Variants in HIF1A observed in about 807,000 individuals in gnomAD.
HIF1A encodes the protein hypoxia-inducible factor 1-alpha.
Under a neutral mutation model 92.7 loss-of-function variants are expected in HIF1A, and 24 were observed. The observed-to-expected ratio is 0.26, with a 90% CI of 0.19 to 0.36. The LOEUF (loss-of-function observed/expected upper bound fraction) is 0.36, where lower values mean the gene tolerates loss of function less well. Among genes scored for constraint, HIF1A ranks in the 10% least tolerant of loss-of-function variants. HIF1A has a pLI of 1.00. For synonymous variants in HIF1A, 319 were observed against 338.7 expected (o/e 0.94, Z 0.64); for missense variants, 799 against 998.5 (o/e 0.80, Z 2.69).
At chr14:61,735,558 A>G (rs2044625242) in intron 8 of HIF1A, among the ~76,000 whole-genome samples, 1 of 152,228 alleles carries the variant, frequency 6.6e-6, no homozygotes, top group South Asian at 2.1e-4. Flanking sequence ...TTACATATCT[A>G]CTTTCACAAT....
At chr14:61,712,545 G>C (rs1320884122) in intron 1 of HIF1A, among the ~76,000 whole-genome samples, 3 of 149,300 alleles carry the variant, frequency 2.0e-5, no homozygotes, top group East Asian at 3.9e-4. Context: ...GAAACAGGGA[G>C]ACAAAAGAAT....
chr14:61,701,261 A>G (rs989096068), intron 1 of HIF1A, among the ~76,000 whole-genome samples: 2 of 152,172 alleles, frequency 1.3e-5, no homozygotes, highest in Non-Finnish European at 1.5e-5. Flanking sequence ...TTTTAACCAT[A>G]AAGATTATTT....
intron 1 of HIF1A, among the ~76,000 whole-genome samples, chr14:61,713,690 C>T (rs118138555): frequency 6.6e-6 from 1 of 152,264 alleles, no homozygotes; most frequent in East Asian, 1.9e-4. Context: ...TTATTAATAT[C>T]CTCTATTATA....
At chr14:61,728,019 CA>C (rs61241012) in intron 6 of HIF1A, among the ~76,000 whole-genome samples, 3,452 of 143,220 alleles carry the variant, frequency 0.024, 56 homozygotes, top group African/African-American at 0.04. Context: ...ACTCCCATTT[CA>C]AAAAAAAAAA....
rs1024520467 is a variant in HIF1A, at chr14:61,720,586, C to A, written c.226+14C>A. 1.9e-6 allele frequency: 3 copies of A among 1,559,206 alleles called. No homozygotes were observed. The highest frequency in any genetic ancestry group is 2.7e-5 in the African/African-American group (2 of 72,744). On this transcript the variant is annotated intron_variant, in intron 2 of 14. Transcript: ENST00000337138. ...TTCTGGATGCTGGTGAGTTATTTTA[C>A]AAGGGTATAAATAGGCCTGAAAATT... is the stretch of plus-strand genomic sequence containing the variant.
intron 1 of HIF1A, among the ~76,000 whole-genome samples, chr14:61,708,768 G>A (rs2044274207): frequency 6.6e-6 from 1 of 152,216 alleles, no homozygotes; most frequent in African/African-American, 2.4e-5. Context: ...TTTGGCTTAG[G>A]ATTGACTTGG....
chr14:61,710,988 A>G (rs1398234918), intron 1 of HIF1A, among the ~76,000 whole-genome samples: 3 of 149,784 alleles, frequency 2.0e-5, no homozygotes, highest in Admixed American at 1.3e-4. Flanking sequence ...CGGAGGTTGC[A>G]GTGAGCGGAG....
At chr14:61,725,411 A>AT (rs1400989793) in intron 4 of HIF1A, among the ~76,000 whole-genome samples, 1 of 74,840 alleles carries the variant, frequency 1.3e-5, no homozygotes, top group African/African-American at 2.9e-5. Context: ...CTAGTTCCTT[A>AT]TTTTTTTTAA....
intron 1 of HIF1A, among the ~76,000 whole-genome samples, chr14:61,696,101 C>T (rs1476764920): frequency 6.6e-6 from 1 of 152,172 alleles, no homozygotes; most frequent in Non-Finnish European, 1.5e-5. Context: ...TTGCCCTCCC[C>T]GCCGGCCGTG....
In HIF1A at chr14:61,741,204, A is replaced by G. The variant is rs767308937; in HGVS notation, c.2093+16A>G. 1.3e-6 allele frequency: 2 copies of G among 1,502,590 alleles called. No individual in the cohort carries two copies. Among genetic ancestry groups the G allele is most frequent in the South Asian group, 1.2e-5 (1 of 81,656 alleles). The allele number at this position is 1,502,590 out of a possible 1,614,324, so 93.1% of individuals were successfully genotyped here. On this transcript the variant is annotated intron_variant, in intron 12 of 14. Transcript: ENST00000337138. ...TGAGTCAAAGGTATTTATATGTAAC[A>G]TTCAAGTTATAGTTCTTTTATTATT...
chr14:61,719,199 T>C (rs2044397824), intron 1 of HIF1A, among the ~76,000 whole-genome samples: 2 of 152,198 alleles, frequency 1.3e-5, no homozygotes, highest in Admixed American at 1.3e-4. Flanking sequence ...AGTCCTTATT[T>C]AGCATACTGC....
intron 1 of HIF1A, among the ~76,000 whole-genome samples, chr14:61,699,460 T>G (rs74596840): frequency 0.094 from 74 of 788 alleles, 1 homozygote; most frequent in Admixed American, 0.2. Context: ...TCTTGACTGA[T>G]TTTTTTTTTT....
At chr14:61,736,081 T>C (rs7161527) in intron 8 of HIF1A, among the ~76,000 whole-genome samples, 122,165 of 151,092 alleles carry the variant, frequency 0.81, 49,932 homozygotes, top group Non-Finnish European at 0.86. Flanking sequence ...CGAGCTCAAG[T>C]GATTCTCATG....
At chr14:61,728,933 G>A (rs2044540768) in intron 6 of HIF1A, among the ~76,000 whole-genome samples, 1 of 152,014 alleles carries the variant, frequency 6.6e-6, no homozygotes, top group South Asian at 2.1e-4. Flanking sequence ...CTAGATGAGG[G>A]AAGTAAATTT....
At chr14:61,709,662 G>T (rs957800389) in intron 1 of HIF1A, among the ~76,000 whole-genome samples, 2 of 152,064 alleles carry the variant, frequency 1.3e-5, no homozygotes, top group East Asian at 3.8e-4. Flanking sequence ...AATAAAATAA[G>T]TGTATGCATT....
intron 1 of HIF1A, chr14:61,698,013 G>A: frequency 8.6e-6 from 8 of 933,166 alleles, no homozygotes; most frequent in Non-Finnish European, 1.0e-5. Context: ...CTAGTTATAG[G>A]GGCTGAACTT....
At chr14:61,700,705 C>T (rs777803979) in intron 1 of HIF1A, among the ~76,000 whole-genome samples, 3 of 152,174 alleles carry the variant, frequency 2.0e-5, no homozygotes, top group Non-Finnish European at 2.9e-5. Flanking sequence ...AAGGAACCAC[C>T]ATATTGTTTT....
chr14:61,712,341 G>T (rs1468446456), intron 1 of HIF1A, among the ~76,000 whole-genome samples: 1 of 151,942 alleles, frequency 6.6e-6, no homozygotes, highest in East Asian at 1.9e-4. Context: ...AGCAAAGGGG[G>T]CAAAGTGGTA....
chr14:61,745,651 A>T, intron 13 of HIF1A, 40 bp from the exon 14 acceptor site: 1 of 1,583,674 alleles, frequency 6.3e-7, no homozygotes, highest in Non-Finnish European at 8.6e-7. Context: ...TAAAAAAAAA[A>T]TTCAACAAAC....
Sources: allele counts gnomAD v4.1 joint callset (sites outside exome capture counted in the v4.1 genomes callset), GRCh38; gene constraint gnomAD v4.1.1; transcripts MANE v1.5; gene names NCBI Gene and HGNC (gene_info 2026-07-23, HGNC 2026-07-21).